PHACTR2: variants seen among roughly 807,000 people sequenced by gnomAD.
The protein encoded by PHACTR2 is chromosome 6 open reading frame 56.
PHACTR2 carries 30 observed loss-of-function variants against 76.0 expected under a neutral mutation model. The ratio of observed to expected loss-of-function variants is 0.39; its 90% CI spans 0.30 to 0.54. PHACTR2 has a LOEUF of 0.54. PHACTR2 is among the 20% of genes least tolerant of loss of function. The pLI, the probability that PHACTR2 is intolerant of heterozygous loss-of-function variation, is 0.61. For missense variants in PHACTR2, 696 were observed against 781.1 expected (o/e 0.89, Z 1.30); for synonymous variants, 292 against 292.5 (o/e 1.00, Z 0.02).
chr6:143,581,536 A>T lies in PHACTR2; in HGVS notation c.217+44329A>T, dbSNP rs1467903201. The stretch of plus-strand genomic sequence containing the variant: ...TGGAGAAGAAGCTCTTTTTCCACTG[A>T]AACAGGAGGAATGGCGGGAAGGATG... On this transcript the variant is annotated intron_variant, in intron 1 of 11. Transcript: ENST00000367584. This position sits in a 1 kb window ranked among gnomAD's most constrained non-coding sequence, Gnocchi z 4.5. 6.6e-6 allele frequency among the ~76,000 whole-genome samples: 1 copy of T among 152,158 alleles called. No individual in the cohort carries two copies. The highest frequency in any genetic ancestry group is 1.5e-5 in the Non-Finnish European group (1 of 68,026).
At chr6:143,579,588 G>T (rs1775550285) in intron 1 of PHACTR2, among the ~76,000 whole-genome samples, 2 of 152,024 alleles carry the variant, frequency 1.3e-5, no homozygotes, top group African/African-American at 4.8e-5. Context: ...CCCCAATAAG[G>T]CACCATCTCA....
In PHACTR2 at chr6:143,728,834, C is replaced by T. The variant is rs116251663; in HGVS notation, c.214+16651C>T. Among the ~76,000 whole-genome samples, 1,506 of 151,976 alleles carry T rather than the reference C, an allele frequency of 9.9e-3. 31 individuals carry two copies. The highest frequency in any genetic ancestry group is 0.032 in the African/African-American group (1,338 of 41,472). ...ATGTCTCACAGTATATAAAAATCAA[C>T]GCAAAATGGATTAAAGACTTAAACA... On this transcript the variant is annotated intron_variant, in intron 2 of 12. Coordinates refer to ENST00000440869, the MANE Select transcript of PHACTR2 (RefSeq NM_001100164.2).
chr6:143,601,066 T>C (rs1775810006), intron 1 of PHACTR2, among the ~76,000 whole-genome samples: 1 of 152,212 alleles, frequency 6.6e-6, no homozygotes, highest in Non-Finnish European at 1.5e-5. Context: ...AAAATGGGAA[T>C]AATAATAGTA....
At chr6:143,628,693 T>C (rs1292565272) in intron 1 of PHACTR2, among the ~76,000 whole-genome samples, 1 of 151,808 alleles carries the variant, frequency 6.6e-6, no homozygotes, top group Admixed American at 6.6e-5. Flanking sequence ...TTTTGCCATA[T>C]AAGGTACCAT....
rs577083716 is a variant in PHACTR2 at position 143,825,626 on chromosome 6, T to C, written c.*1937T>C. The C allele has an allele frequency of 1.7e-4, 26 of 152,258 alleles. No homozygotes were observed. Among genetic ancestry groups the C allele is most frequent in the African/African-American group, 3.4e-4 (14 of 41,574 alleles). 9.4% of individuals were successfully genotyped at this position (152,258 alleles called of 1,614,324 possible). On this transcript the variant is annotated 3_prime_UTR_variant, in exon 13 of 13. Coordinates refer to ENST00000440869, the MANE Select transcript of PHACTR2 (RefSeq NM_001100164.2). This position sits in a 1 kb window ranked among gnomAD's most constrained non-coding sequence, Gnocchi z 4.1. ...AAAAATTAACTTGTGATTTTTTTTT[T>C]CCCAAAGTCATGCTTTTCCTTAATT...
Position 143,823,579 on chromosome 6 carries a change from C to T in PHACTR2, c.1923-95C>T. 1.2e-6 allele frequency: 1 copy of T among 862,724 alleles called. No individual in the cohort carries two copies. The highest frequency in any genetic ancestry group is 1.5e-5 in the South Asian group (1 of 66,306). The allele number at this position is 862,724 out of a possible 1,614,324, so 53.4% of individuals were successfully genotyped here. ...TTCAGTTGGGGGATATCTGGGGTAC[C>T]TTTTCATTGTAAACATGACCACGCC... is the stretch of plus-strand genomic sequence containing the variant. On this transcript the variant is annotated intron_variant, in intron 12 of 12. Coordinates refer to ENST00000440869, the MANE Select transcript of PHACTR2 (RefSeq NM_001100164.2). The surrounding 1 kb of genome is among the most constrained non-coding windows in gnomAD (Gnocchi z 5.7).
rs1011534225 is a variant in PHACTR2, at chr6:143,700,485, C to T, written c.47-11531C>T. Among the ~76,000 whole-genome samples, 2 of 152,022 alleles carry T rather than the reference C, an allele frequency of 1.3e-5. No individual in the cohort carries two copies. Among genetic ancestry groups the T allele is most frequent in the Non-Finnish European group, 2.9e-5 (2 of 67,994 alleles). On this transcript the variant is annotated intron_variant, in intron 1 of 12. Transcript: ENST00000440869. This position sits in a 1 kb window ranked among gnomAD's most constrained non-coding sequence, Gnocchi z 4.1. ...CAAGAGAATCACTTGGACCCAGGAG[C>T]CGGAGGTTGCAGTGAGCTGAGATCT...
chr6:143,654,854 C>T lies in PHACTR2; in HGVS notation c.13+46532C>T, dbSNP rs561894781. 1.3e-5 allele frequency among the ~76,000 whole-genome samples: 2 copies of T among 151,892 alleles called. No individual in the cohort carries two copies. The highest frequency in any genetic ancestry group is 2.4e-5 in the African/African-American group (1 of 41,474). On this transcript the variant is annotated intron_variant, in intron 1 of 11. Transcript: ENST00000305766. The surrounding 1 kb of genome is among the most constrained non-coding windows in gnomAD (Gnocchi z 4.6). ...GTATTGATACATGCCACAACATGGA[C>T]GACTCTTAAAAACATCATGCTAGCC...
At chr6:143,727,590 G>T (rs907980128) in intron 2 of PHACTR2, among the ~76,000 whole-genome samples, 2 of 152,150 alleles carry the variant, frequency 1.3e-5, no homozygotes, top group Non-Finnish European at 2.9e-5. Flanking sequence ...CACCGTGTAA[G>T]AGTTCCCATT....
chr6:143,784,763 G>A lies in PHACTR2; in HGVS notation c.1707+1483G>A, dbSNP rs1008868949. ...CTCAGAATCATGGCAGGAGGCAAAA[G>A]GCTCTTCTAACATGGTGGCGGCAAA... On this transcript the variant is annotated intron_variant, in intron 10 of 12. Transcript: ENST00000440869. This position sits in a 1 kb window ranked among gnomAD's most constrained non-coding sequence, Gnocchi z 4.5. 6.6e-6 allele frequency among the ~76,000 whole-genome samples: 1 copy of A among 152,146 alleles called. No individual in the cohort carries two copies. Among genetic ancestry groups the A allele is most frequent in the Non-Finnish European group, 1.5e-5 (1 of 68,016 alleles).
rs1007606295 is a variant in PHACTR2 at position 143,561,663 on chromosome 6, G to A, written c.217+24456G>A. ...CATTCCCACAGAAGTAGTGGTGAGA[G>A]GAGTCAAGTTACCACGTGACCTTGA... On this transcript the variant is annotated intron_variant, in intron 1 of 11. Transcript: ENST00000367584. The surrounding 1 kb of genome is among the most constrained non-coding windows in gnomAD (Gnocchi z 4.1). 6.6e-6 allele frequency among the ~76,000 whole-genome samples: 1 copy of A among 152,228 alleles called. No individual in the cohort carries two copies. Among genetic ancestry groups the A allele is most frequent in the Non-Finnish European group, 1.5e-5 (1 of 68,032 alleles).
rs532655590 is a variant in PHACTR2, at chr6:143,700,218, T to A, written c.47-11798T>A. The stretch of plus-strand genomic sequence containing the variant: ...ACATTCATCCTCAATGGGAATTTTT[T>A]CATAATTTTGTCTGAAACAAAATTT... On this transcript the variant is annotated intron_variant, in intron 1 of 12. Transcript: ENST00000440869. The surrounding 1 kb of genome is among the most constrained non-coding windows in gnomAD (Gnocchi z 4.1). Among the ~76,000 whole-genome samples, 5 of 152,340 alleles carry A rather than the reference T, an allele frequency of 3.3e-5. No individual in the cohort carries two copies. Among genetic ancestry groups the A allele is most frequent in the African/African-American group, 9.6e-5 (4 of 41,578 alleles).
chr6:143,660,387 A>G (rs1776928166), intron 1 of PHACTR2, among the ~76,000 whole-genome samples: 1 of 152,142 alleles, frequency 6.6e-6, no homozygotes, highest in Admixed American at 6.6e-5. Flanking sequence ...GGAAACTCCC[A>G]TTTTTAAAAC....
upstream of PHACTR2, among the ~76,000 whole-genome samples, chr6:143,673,681 C>T (rs550604328): frequency 5.3e-5 from 8 of 152,088 alleles, no homozygotes; most frequent in East Asian, 3.9e-4. Flanking sequence ...CGCTTTTCCT[C>T]CCAGGGTAGG....
chr6:143,582,687 G>A (rs1775589753), intron 1 of PHACTR2, among the ~76,000 whole-genome samples: 3 of 152,050 alleles, frequency 2.0e-5, no homozygotes, highest in Admixed American at 2.0e-4. Context: ...TTAATGACAT[G>A]GGAATTTGTT....
chr6:143,778,626 C>T (rs1049440301), intron 9 of PHACTR2, among the ~76,000 whole-genome samples: 1 of 152,104 alleles, frequency 6.6e-6, no homozygotes, highest in African/African-American at 2.4e-5. Context: ...GTAGAAGCAG[C>T]ATCTCATTTT....
chr6:143,721,112 T>C (rs911879785), intron 2 of PHACTR2, among the ~76,000 whole-genome samples: 1 of 152,220 alleles, frequency 6.6e-6, no homozygotes, highest in African/African-American at 2.4e-5. Context: ...GCCAACCTCA[T>C]GGAGTTCCAG....
rs2128426532 is a variant in PHACTR2 at position 143,543,309 on chromosome 6, CT to C, written c.217+6103del. On this transcript the variant is annotated intron_variant, in intron 1 of 11. Transcript: ENST00000367584. This position sits in a 1 kb window ranked among gnomAD's most constrained non-coding sequence, Gnocchi z 4.7. ...TGGCCCCTACGTACTGATGAAGATG[CT>C]GTAGGCAAGGGCATATCTTGATTTT... Among the ~76,000 whole-genome samples the C allele has an allele frequency of 6.6e-6, 1 of 152,322 alleles. No individual in the cohort carries two copies. The highest frequency in any genetic ancestry group is 2.1e-4 in the South Asian group (1 of 4,820).
intron 1 of PHACTR2, among the ~76,000 whole-genome samples, chr6:143,613,138 G>A (rs1776007487): frequency 6.6e-6 from 1 of 152,148 alleles, no homozygotes; most frequent in Admixed American, 6.5e-5. Flanking sequence ...CCCCATGCCC[G>A]GCTAATTTTT....
Sources: allele counts gnomAD v4.1 joint callset (sites outside exome capture counted in the v4.1 genomes callset), GRCh38; gene constraint gnomAD v4.1.1; non-coding constraint Gnocchi (gnomAD v3.1); transcripts MANE v1.5; gene names NCBI Gene and HGNC (gene_info 2026-07-23, HGNC 2026-07-21).